Variants in TTC7A observed in about 807,000 individuals in gnomAD.
TTC7A encodes the protein tetratricopeptide repeat domain 7A.
A neutral mutation model predicts 103.7 loss-of-function variants in TTC7A; 110 were observed. The observed-to-expected ratio is 1.06, with a 90% confidence interval of 0.91 to 1.24. The LOEUF is 1.24. TTC7A is among the 50% of genes most tolerant of loss of function. TTC7A has a pLI of 0.00. For missense variants in TTC7A, 1,340 were observed against 1,116.3 expected (o/e 1.20, Z -2.86); for synonymous variants, 521 against 467.9 (o/e 1.11, Z -1.47).
intron 18 of TTC7A, among the ~76,000 whole-genome samples, chr2:47,053,328 T>C (rs755978525): frequency 2.6e-5 from 4 of 151,272 alleles, no homozygotes; most frequent in Non-Finnish European, 4.4e-5. Flanking sequence ...AAGACTAAAA[T>C]AATGACTTCC....
chr2:46,920,423 G>A (rs1342951883), intron 2 of TTC7A, among the ~76,000 whole-genome samples: 6 of 152,026 alleles, frequency 3.9e-5, no homozygotes, highest in Non-Finnish European at 8.8e-5. Context: ...TTTGCCTCCT[G>A]GGTTCAAGCA....
chr2:46,916,186 C>G, exon 1 of TTC7A: 6 of 983,372 alleles, frequency 6.1e-6, no homozygotes, highest in Non-Finnish European at 6.0e-6. Flanking sequence ...GTTCAGGTCT[C>G]TTGGTTCGTC....
intron 2 of TTC7A, among the ~76,000 whole-genome samples, chr2:46,952,288 T>C (rs1402729512): frequency 6.6e-6 from 1 of 152,124 alleles, no homozygotes; most frequent in African/African-American, 2.4e-5. Context: ...GTCAAAAGGG[T>C]TGGACCAGAT....
chr2:46,989,872 T>C (rs1238053979), intron 5 of TTC7A, among the ~76,000 whole-genome samples: 1 of 151,976 alleles, frequency 6.6e-6, no homozygotes, highest in Non-Finnish European at 1.5e-5. Context: ...GAGGGGAGTC[T>C]GCATTTCTCC....
intron 2 of TTC7A, chr2:46,951,658 A>G (rs1289604876): frequency 8.8e-6 from 4 of 456,000 alleles, no homozygotes; most frequent in African/African-American, 2.0e-5. Flanking sequence ...CGATCCTCCT[A>G]CTTCAGCCTC....
chr2:47,011,541 A>G, intron 11 of TTC7A, 106 bp downstream of exon 11: 2 of 876,898 alleles, frequency 2.3e-6, no homozygotes, highest in Non-Finnish European at 3.5e-6. Flanking sequence ...CCGAAGGTGG[A>G]AAGGATGGGA....
intron 2 of TTC7A, among the ~76,000 whole-genome samples, chr2:46,925,515 A>G (rs180747333): frequency 2.9e-4 from 44 of 152,218 alleles, no homozygotes; most frequent in African/African-American, 8.7e-4. Flanking sequence ...CTGAGATTAC[A>G]CCACTGCACT....
At position 47,007,262 on chromosome 2, in the gene TTC7A, G is replaced by A. The variant is rs1044524513; in HGVS notation, c.1287+538G>A. 1.3e-5 allele frequency among the ~76,000 whole-genome samples: 2 copies of A among 152,024 alleles called. No homozygotes were observed. Among genetic ancestry groups the A allele is most frequent in the Non-Finnish European group, 2.9e-5 (2 of 67,984 alleles). ...GCATGGGGACAGGGCCTGGCGGGAC[G>A]CTGCCCGGAGCAAGGAGCACCGGGC... On this transcript the variant is annotated intron_variant, in intron 10 of 19. Coordinates refer to ENST00000319190, the MANE Select transcript of TTC7A (RefSeq NM_020458.4). This position sits in a 1 kb window ranked among gnomAD's most constrained non-coding sequence, Gnocchi z 4.9.
chr2:47,011,326 T>C lies in TTC7A; in HGVS notation c.1288-5T>C. 4 of 1,612,472 alleles carry C rather than the reference T, an allele frequency of 2.5e-6. No homozygotes were observed. Among genetic ancestry groups the C allele is most frequent in the Non-Finnish European group, 3.4e-6 (4 of 1,179,246 alleles). On this transcript the variant is annotated splice_polypyrimidine_tract_variant and splice_region_variant and intron_variant, in intron 10 of 19. Coordinates refer to ENST00000319190, the MANE Select transcript of TTC7A (RefSeq NM_020458.4). ...GACAGTGTTTCCTGCTCTTTTTTTC[T>C]GCAGTCAGCCTACGCTGTGTCCCTG...
intron 2 of TTC7A, among the ~76,000 whole-genome samples, chr2:46,953,257 G>T (rs1381715881): frequency 6.6e-6 from 1 of 152,156 alleles, no homozygotes; most frequent in Non-Finnish European, 1.5e-5. Flanking sequence ...GGGCTCAAGT[G>T]ATCATCCTGC....
At chr2:47,019,254 C>T (rs1373773916) in intron 11 of TTC7A, among the ~76,000 whole-genome samples, 3 of 151,922 alleles carry the variant, frequency 2.0e-5, no homozygotes, top group East Asian at 1.9e-4. Flanking sequence ...AAATTATGGC[C>T]GGATGTGTTG....
chr2:47,073,008 C>T (rs781017919), intron 19 of TTC7A, among the ~76,000 whole-genome samples: 3 of 152,168 alleles, frequency 2.0e-5, no homozygotes, highest in Non-Finnish European at 4.4e-5. Context: ...TGTGCGTGAC[C>T]CAGACCCCCC....
chr2:46,922,923 A>G (rs1315438068), intron 2 of TTC7A, among the ~76,000 whole-genome samples: 1 of 152,226 alleles, frequency 6.6e-6, no homozygotes, highest in Non-Finnish European at 1.5e-5. Context: ...CAAGGCCCCT[A>G]AAACATCTGA....
chr2:46,993,387 T>G, intron 5 of TTC7A, 63 bp from the exon 6 acceptor site: 1 of 1,525,944 alleles, frequency 6.6e-7, no homozygotes, highest in South Asian at 1.1e-5. Flanking sequence ...GCTGGTGTGC[T>G]GAGAGCATCC....
chr2:46,955,418 A>G (rs1226546526), intron 2 of TTC7A, among the ~76,000 whole-genome samples: 1 of 152,156 alleles, frequency 6.6e-6, no homozygotes, highest in African/African-American at 2.4e-5. Context: ...ATTAATAGAG[A>G]GAGCAGGTCA....
chr2:46,975,215 T>C lies in TTC7A; in HGVS notation c.648+112T>C, dbSNP rs1572781587. The C allele has an allele frequency of 3.5e-6, 5 of 1,411,728 alleles. No individual in the cohort carries two copies. In the East Asian group the frequency reaches 1.2e-4, roughly 33 times the overall value. 87.5% of individuals were successfully genotyped at this position (1,411,728 alleles called of 1,614,324 possible). A position where few individuals can be genotyped will look rare whatever the true frequency, so the allele number is the denominator to read the frequency against. On this transcript the variant is annotated intron_variant, in intron 4 of 19. Coordinates refer to ENST00000319190, the MANE Select transcript of TTC7A (RefSeq NM_020458.4). ...GTGCTAATTAGAAGAAGTCACCTTC[T>C]CTGTCCCCCAAAGACACTCTACTTC...
In TTC7A at chr2:46,994,390, C is replaced by T. The variant is rs377078379; in HGVS notation, c.877C>T (p.His293Tyr). Reference sequence around the variant, plus strand: ...CAAGCACCTGGCGGGGGTCCTGCTGCACTCCCTGAGTGAGGAGTGCTACTG... The same window carrying T: ...CAAGCACCTGGCGGGGGTCCTGCTGTACTCCCTGAGTGAGGAGTGCTACTG... ...AAKHLAGVLLHSLSEECYWSP... is the reference protein window; with the variant it reads ...AAKHLAGVLLYSLSEECYWSP... Residue 293 changes from histidine to tyrosine, a missense_variant, in exon 7 of 20, where the codon CAC (histidine) becomes TAC (tyrosine). Transcript: ENST00000319190. 2 of 1,613,746 alleles carry T rather than the reference C, an allele frequency of 1.2e-6. No individual in the cohort carries two copies. The highest frequency in any genetic ancestry group is 1.7e-6 in the Non-Finnish European group (2 of 1,179,878).
Position 46,956,875 on chromosome 2 carries a change from A to C in TTC7A, c.385A>C (p.Lys129Gln). The change falls in exon 3 of 20, where the codon AAA (lysine) becomes CAA (glutamine). Residue 129 changes from lysine (K) to glutamine (Q), a missense_variant. Physicochemically the swap from Lys to Gln is moderately conservative, Grantham distance 53 (BLOSUM62 1). Coordinates refer to ENST00000319190, the MANE Select transcript of TTC7A (RefSeq NM_020458.4). ...GTGTGAGGCCATGCTGATCCTGGGCAAACTGCATTACGTGGAGGGCTCATA... is the reference window on the plus strand; with the variant it reads ...GTGTGAGGCCATGCTGATCCTGGGCCAACTGCATTACGTGGAGGGCTCATA... ...YMCEAMLILGKLHYVEGSYRD... is the reference protein window; with the variant it reads ...YMCEAMLILGQLHYVEGSYRD... 1 of 1,614,192 alleles carries C rather than the reference A, an allele frequency of 6.2e-7. No homozygotes were observed. The highest frequency in any genetic ancestry group is 8.5e-7 in the Non-Finnish European group (1 of 1,180,008).
At chr2:46,973,118 G>A (rs13021298) in intron 3 of TTC7A, among the ~76,000 whole-genome samples, 2,882 of 152,262 alleles carry the variant, frequency 0.019, 36 homozygotes, top group Non-Finnish European at 0.027. Flanking sequence ...GGCTCTTTGA[G>A]GGGACAAAGA....
Sources: gnomAD v4.1 joint callset for allele counts (sites outside exome capture counted in the v4.1 genomes callset) on GRCh38, gnomAD v4.1.1 for gene constraint, Gnocchi (gnomAD v3.1) non-coding constraint, MANE v1.5 for transcripts, NCBI Gene and HGNC (gene_info 2026-07-23, HGNC 2026-07-21) for gene names.